PDGFC: variants seen among roughly 807,000 people sequenced by gnomAD.
PDGFC encodes the protein platelet-derived growth factor C.
PDGFC carries 12 observed loss-of-function variants against 35.5 expected under a neutral mutation model. That is an observed-to-expected ratio of 0.34 (90% confidence interval 0.22 to 0.55). The LOEUF is 0.55. Among genes scored for constraint, PDGFC ranks in the 20% least tolerant of loss-of-function variants. The pLI is 0.91. For missense variants in PDGFC, 322 were observed against 412.4 expected, an observed-to-expected ratio of 0.78 and a Z score of 1.90; for synonymous variants, 159 against 148.8, an observed-to-expected ratio of 1.07 and a Z score of -0.50.
chr4:156,831,803 G>A (rs1560831675), intron 2 of PDGFC, among the ~76,000 whole-genome samples: 1 of 151,956 alleles, frequency 6.6e-6, no homozygotes, highest in Non-Finnish European at 1.5e-5. Context: ...AAGGACACTA[G>A]ACTGTATTTC....
chr4:156,773,029 A>G, intron 3 of PDGFC, 136 bp from the exon 4 acceptor site: 1 of 619,810 alleles, frequency 1.6e-6, no homozygotes, highest in Non-Finnish European at 2.9e-6. Context: ...ATTAGAAATA[A>G]CTACTCTGCA....
At chr4:156,838,118 T>C (rs747902239) in intron 2 of PDGFC, among the ~76,000 whole-genome samples, 2 of 152,250 alleles carry the variant, frequency 1.3e-5, no homozygotes, top group Non-Finnish European at 1.5e-5. Flanking sequence ...AACTTTATTC[T>C]GTGTCCAGAA....
At position 156,901,256 on chromosome 4, in the gene PDGFC, G is replaced by A. The variant is rs561971012; in HGVS notation, c.119-50840C>T. ...GTGGCTTTGATATTGAGACACCCAC[G>A]AATTCTACAAATGCTCCTAGAGATA... On this transcript the variant is annotated intron_variant, in intron 1 of 5. Transcript: ENST00000502773. 1.2e-4 allele frequency among the ~76,000 whole-genome samples: 18 copies of A among 152,098 alleles called. 1 individual carries two copies. The highest frequency in any genetic ancestry group is 8.8e-5 in the Non-Finnish European group (6 of 68,022).
chr4:156,788,198 T>G (rs1295095533), intron 3 of PDGFC, among the ~76,000 whole-genome samples: 3 of 150,800 alleles, frequency 2.0e-5, no homozygotes, highest in Non-Finnish European at 3.0e-5. Context: ...AATGCTGCAG[T>G]GATAGGAGAA....
chr4:156,924,825 G>A (rs909881853), intron 1 of PDGFC, among the ~76,000 whole-genome samples: 2 of 152,144 alleles, frequency 1.3e-5, no homozygotes, highest in African/African-American at 4.8e-5. Flanking sequence ...AGAACTAAAA[G>A]GGGAGAAGGA....
chr4:156,825,587 T>G (rs55898416), intron 2 of PDGFC, among the ~76,000 whole-genome samples: 11,812 of 83,344 alleles, frequency 0.14, 666 homozygotes, highest in South Asian at 0.18. Flanking sequence ...ATAATAATAA[T>G]AATAATAAGA....
At chr4:156,796,899 C>T (rs2110900434) in intron 3 of PDGFC, among the ~76,000 whole-genome samples, 1 of 152,042 alleles carries the variant, frequency 6.6e-6, no homozygotes, top group Admixed American at 6.5e-5. Context: ...TTACTTTAAG[C>T]AAAGTCACAA....
chr4:156,952,626 C>T (rs1318641953), intron 1 of PDGFC, among the ~76,000 whole-genome samples: 1 of 151,772 alleles, frequency 6.6e-6, no homozygotes, highest in Non-Finnish European at 1.5e-5. Flanking sequence ...CTCCCCAATG[C>T]CTAAGATATT....
chr4:156,764,802 C>T (rs549936178), intron 5 of PDGFC, among the ~76,000 whole-genome samples: 3 of 152,246 alleles, frequency 2.0e-5, no homozygotes, highest in Admixed American at 2.0e-4. Context: ...GATATTGGCA[C>T]TATTCCTTAT....
chr4:156,920,832 G>T, intron 1 of PDGFC, among the ~76,000 whole-genome samples: 1 of 152,158 alleles, frequency 6.6e-6, no homozygotes, highest in East Asian at 1.9e-4. Context: ...TTGGTAGATG[G>T]TTCTTTTGTT....
At chr4:156,828,065 T>C (rs1246906623) in intron 2 of PDGFC, among the ~76,000 whole-genome samples, 3 of 152,152 alleles carry the variant, frequency 2.0e-5, no homozygotes, top group Non-Finnish European at 4.4e-5. Flanking sequence ...CCGCCGGAAA[T>C]GTTATATAAT....
At chr4:156,808,399 A>T (rs1731831234) in intron 3 of PDGFC, among the ~76,000 whole-genome samples, 1 of 152,074 alleles carries the variant, frequency 6.6e-6, no homozygotes, top group Non-Finnish European at 1.5e-5. Context: ...TTGCAGAGGT[A>T]GGTTTCTAAT....
At chr4:156,783,426 C>T (rs1731034687) in intron 3 of PDGFC, among the ~76,000 whole-genome samples, 1 of 147,324 alleles carries the variant, frequency 6.8e-6, no homozygotes, top group South Asian at 2.2e-4. Context: ...TGTGCAGACT[C>T]TGGTGGGAGC....
intron 1 of PDGFC, among the ~76,000 whole-genome samples, chr4:156,925,301 C>T (rs1731381336): frequency 6.6e-6 from 1 of 152,044 alleles, no homozygotes; most frequent in South Asian, 2.1e-4. Flanking sequence ...TTTAAAGACT[C>T]TCTGGTCAAA....
At chr4:156,802,205 A>G (rs1453903386) in intron 3 of PDGFC, among the ~76,000 whole-genome samples, 5 of 152,128 alleles carry the variant, frequency 3.3e-5, no homozygotes, top group Non-Finnish European at 5.9e-5. Context: ...CTTTGGCAAC[A>G]TAAACTTCTA....
At chr4:156,942,790 T>C (rs1318073108) in intron 1 of PDGFC, among the ~76,000 whole-genome samples, 1 of 149,734 alleles carries the variant, frequency 6.7e-6, no homozygotes, top group Non-Finnish European at 1.5e-5. Flanking sequence ...TTATGTATAA[T>C]TGCAATATTG....
intron 1 of PDGFC, among the ~76,000 whole-genome samples, chr4:156,902,907 A>G (rs1001305046): frequency 2.6e-5 from 4 of 152,168 alleles, no homozygotes; most frequent in Non-Finnish European, 5.9e-5. Context: ...ATGCGGAGCA[A>G]AAAAACAGGC....
At chr4:156,962,503 A>C (rs1307577561) in intron 1 of PDGFC, among the ~76,000 whole-genome samples, 1 of 152,212 alleles carries the variant, frequency 6.6e-6, no homozygotes. Context: ...AAAAGGAAGG[A>C]TCTGCCATCC....
At chr4:156,914,636 T>C (rs1731115985) in intron 1 of PDGFC, among the ~76,000 whole-genome samples, 1 of 152,168 alleles carries the variant, frequency 6.6e-6, no homozygotes, top group African/African-American at 2.4e-5. Flanking sequence ...TTGATCCATG[T>C]GTTGGTAGCC....
Sources: allele counts gnomAD v4.1 joint callset (sites outside exome capture counted in the v4.1 genomes callset), GRCh38; gene constraint gnomAD v4.1.1; transcripts MANE v1.5; gene names NCBI Gene and HGNC (gene_info 2026-07-23, HGNC 2026-07-21).